The following UBR4 variants were observed in gnomAD, a reference collection of about 807,000 sequenced individuals.
The protein encoded by UBR4 is E3 ubiquitin-protein ligase UBR4.
A neutral mutation model predicts 575.6 loss-of-function variants in UBR4; 124 were observed. The ratio of observed to expected loss-of-function variants is 0.22; its 90% confidence interval spans 0.19 to 0.25. The LOEUF is 0.25. Ranked by LOEUF, UBR4 falls within the 10% of genes least tolerant of loss-of-function variation. The pLI is 1.00. For missense variants in UBR4, 4,818 were observed against 6,478.8 expected, an observed-to-expected ratio of 0.74 and a Z score of 8.80; for synonymous variants, 2,455 against 2,473.7, an observed-to-expected ratio of 0.99 and a Z score of 0.22.
chr1:19,092,147 C>A (rs571893792), intron 97 of UBR4, among the ~76,000 whole-genome samples: 1 of 152,094 alleles, frequency 6.6e-6, no homozygotes, highest in African/African-American at 2.4e-5. Context: ...CAAGAGGGAC[C>A]CTTGTGCTGA....
chr1:19,180,188 A>C (rs920685916), intron 17 of UBR4, among the ~76,000 whole-genome samples: 1 of 149,742 alleles, frequency 6.7e-6, no homozygotes, highest in Non-Finnish European at 1.5e-5. Flanking sequence ...CATGTTCTTT[A>C]TTTATTTATT....
rs1290456438 is a variant in UBR4, at chr1:19,139,166, C to T, written c.8648G>A (p.Arg2883Gln). ...STAATDGSTLRTSPADHGGSV... is the reference protein window; with the variant it reads ...STAATDGSTLQTSPADHGGSV... ...ACCACCGTGGTCAGCAGGAGAGGTCCGAAGGGTAGAACCATCTGTCGCTGC... is the reference window on the plus strand; with the variant it reads ...ACCACCGTGGTCAGCAGGAGAGGTCTGAAGGGTAGAACCATCTGTCGCTGC... Residue 2883 changes from arginine (R) to glutamine (Q), a missense_variant, in exon 59 of 106, where the codon CGG becomes CAG. By Grantham distance (43) the Arg-to-Gln change is conservative (BLOSUM62 1). Coordinates refer to ENST00000375254, the MANE Select transcript of UBR4 (RefSeq NM_020765.3). The surrounding 1 kb of genome is among the most constrained non-coding windows in gnomAD (Gnocchi z 4.2). 5.6e-6 allele frequency: 9 copies of T among 1,613,792 alleles called. No homozygotes were observed. Among genetic ancestry groups the T allele is most frequent in the East Asian group, 2.2e-5 (1 of 44,882 alleles).
chr1:19,118,418 CTTT>C (rs35059878), intron 71 of UBR4: 71 of 130,154 alleles, frequency 5.5e-4, no homozygotes, highest in South Asian at 1.5e-3. Flanking sequence ...AACTAAAGAC[CTTT>C]TTTTTTTTTT....
intron 1 of UBR4, among the ~76,000 whole-genome samples, 159 bp from the exon 2 acceptor site, chr1:19,201,974 C>T (rs2092764478): frequency 6.6e-6 from 1 of 152,130 alleles, no homozygotes; most frequent in Admixed American, 6.6e-5. Flanking sequence ...AGGTGGATCA[C>T]CTGAGGTCAG....
intron 70 of UBR4, among the ~76,000 whole-genome samples, chr1:19,119,306 T>C (rs1050314027): frequency 2.0e-5 from 3 of 152,244 alleles, no homozygotes; most frequent in African/African-American, 7.2e-5. Context: ...TCCAAGGAAC[T>C]GTAATGAGTT....
chr1:19,074,716 G>T lies in UBR4; in HGVS notation c.*116C>A. The T allele has an allele frequency of 8.5e-7, 1 of 1,181,742 alleles. No individual in the cohort carries two copies. Among genetic ancestry groups the T allele is most frequent in the Non-Finnish European group, 1.2e-6 (1 of 813,996 alleles). The allele number at this position is 1,181,742 out of a possible 1,614,324, so 73.2% of individuals were successfully genotyped here. The stretch of plus-strand genomic sequence containing the variant: ...GCCACACCAAGAAAAATGAGAGAGG[G>T]GAGGGCGGGGTAACAATGCAGCATC... On this transcript the variant is annotated 3_prime_UTR_variant, in exon 106 of 106. Transcript: ENST00000375254.
intron 52 of UBR4, among the ~76,000 whole-genome samples, chr1:19,146,484 C>A (rs528384215): frequency 6.6e-6 from 1 of 152,166 alleles, no homozygotes; most frequent in East Asian, 1.9e-4. Flanking sequence ...GGCATGAAAG[C>A]GAAAGATATG....
At chr1:19,098,188 G>A (rs953959105) in intron 90 of UBR4, among the ~76,000 whole-genome samples, 1 of 152,182 alleles carries the variant, frequency 6.6e-6, no homozygotes, top group East Asian at 1.9e-4. Context: ...TTGCAGAAGT[G>A]TTTCCGGCTA....
intron 58 of UBR4, among the ~76,000 whole-genome samples, 175 bp downstream of exon 58, chr1:19,140,613 G>A (rs962434771): frequency 3.3e-5 from 5 of 152,336 alleles, no homozygotes; most frequent in South Asian, 2.1e-4. Context: ...AGCTGTGCGC[G>A]GCGGGGCCGA....
At position 19,076,748 on chromosome 1, in the gene UBR4, T is replaced by A; in HGVS notation, c.15479A>T (p.Asp5160Val). The A allele has an allele frequency of 6.2e-7, 1 of 1,614,128 alleles. No individual in the cohort carries two copies. The highest frequency in any genetic ancestry group is 8.5e-7 in the Non-Finnish European group (1 of 1,180,036). Residue 5160 changes from aspartate (D) to valine (V), a missense_variant, in exon 105 of 106, where the codon GAT becomes GTT. Transcript: ENST00000375254. ...MPVETFSEFL[D>V]VAGLLSEITD... is the part of the protein sequence containing the mutation. ...AAAACCTTGACACTAACCGGCCACA[T>A]CGAGGAACTCTGAGAAGGTCTCCAC...
At chr1:19,133,980 G>A (rs2082866603) in intron 60 of UBR4, among the ~76,000 whole-genome samples, 1 of 151,444 alleles carries the variant, frequency 6.6e-6, no homozygotes, top group African/African-American at 2.4e-5. Context: ...CAGCTACTCA[G>A]GAGGCTGAGG....
rs1459999866 is a variant in UBR4, at chr1:19,100,625, T to G, written c.13024-52A>C. ...AGAAGGGATGGCAGAGGTGGAGATT[T>G]ATACCATGCTACCTTGTTCCATGGA... On this transcript the variant is annotated intron_variant, in intron 88 of 105. Coordinates refer to ENST00000375254, the MANE Select transcript of UBR4 (RefSeq NM_020765.3). The surrounding 1 kb of genome is among the most constrained non-coding windows in gnomAD (Gnocchi z 4.2). 3 of 1,562,768 alleles carry G rather than the reference T, an allele frequency of 1.9e-6. No individual in the cohort carries two copies. In the Admixed American group the frequency reaches 5.0e-5, roughly 26 times the overall value.
At chr1:19,094,823 C>G in intron 94 of UBR4, 83 bp downstream of exon 94, 2 of 1,558,618 alleles carry the variant, frequency 1.3e-6, no homozygotes, top group South Asian at 2.4e-5. Flanking sequence ...GTGGGCTAAG[C>G]CAGACACAAA....
At chr1:19,092,774 T>G in intron 97 of UBR4, 45 bp downstream of exon 97, 2 of 1,497,874 alleles carry the variant, frequency 1.3e-6, no homozygotes, top group Non-Finnish European at 1.8e-6. Flanking sequence ...AGGGTAGTTA[T>G]ACTTGTACCC....
chr1:19,168,314 C>T (rs2088862283), intron 27 of UBR4, 130 bp from the exon 28 acceptor site: 1 of 782,564 alleles, frequency 1.3e-6, no homozygotes, highest in Admixed American at 3.8e-5. Flanking sequence ...ACTCAGTATA[C>T]ACTGTTATTC....
At position 19,113,777 on chromosome 1, in the gene UBR4, A is replaced by G; in HGVS notation, c.11379T>C (p.Asn3793=). 6.2e-7 allele frequency: 1 copy of G among 1,614,218 alleles called. No homozygotes were observed. The part of the protein sequence containing the change: ...GGISSTSASV[N]RYILQLAQEY... Reference sequence around the variant, plus strand: ...CCTGAGCCAACTGCAGGATGTAACGATTCACACTGGCAGAAGTGGAGCTGA... The same window carrying G: ...CCTGAGCCAACTGCAGGATGTAACGGTTCACACTGGCAGAAGTGGAGCTGA... Residue 3793 remains asparagine (N), a synonymous_variant, in exon 77 of 106, where the codon AAT becomes AAC. Transcript: ENST00000375254.
At chr1:19,105,892 T>C (rs2079137526) in intron 83 of UBR4, 50 bp from the exon 84 acceptor site, 2 of 1,401,766 alleles carry the variant, frequency 1.4e-6, no homozygotes, top group African/African-American at 1.5e-5. Context: ...ATGCCCTGCC[T>C]CACCAGGCCC....
intron 73 of UBR4, among the ~76,000 whole-genome samples, chr1:19,116,510 T>C (rs2080546586): frequency 6.6e-6 from 1 of 152,148 alleles, no homozygotes; most frequent in Non-Finnish European, 1.5e-5. Context: ...AGCCTTATTC[T>C]GCCTCTTGGA....
rs1370717191 is a variant in UBR4, at chr1:19,117,826, G to T, written c.10626C>A (p.Phe3542Leu). ...CLVCNNPEVP[F>L]CYIKLSSIKV... ...TCCATGTACAGATGTTACTTACACA[G>T]AACGGTACTTCCGGGTTATTACACA... The change falls in exon 72 of 106, where the codon TTC (phenylalanine) becomes TTA (leucine). Residue 3542 changes from phenylalanine to leucine, a missense_variant. Physicochemically the swap from Phe to Leu is conservative, Grantham distance 22. Around this residue, in one of 29 missense-constraint regions of UBR4, gnomAD observed 550 missense variants for 791.5 expected, o/e 0.69. Coordinates refer to ENST00000375254, the MANE Select transcript of UBR4 (RefSeq NM_020765.3). The surrounding 1 kb of genome is among the most constrained non-coding windows in gnomAD (Gnocchi z 4.0). 1 of 1,614,144 alleles carries T rather than the reference G, an allele frequency of 6.2e-7. No homozygotes were observed. Among genetic ancestry groups the T allele is most frequent in the Non-Finnish European group, 8.5e-7 (1 of 1,179,974 alleles).
Sources: allele counts gnomAD v4.1 joint callset (sites outside exome capture counted in the v4.1 genomes callset), GRCh38; gene constraint gnomAD v4.1.1; regional missense constraint gnomAD v4.1.1; non-coding constraint Gnocchi (gnomAD v3.1); transcripts MANE v1.5; gene names NCBI Gene and HGNC (gene_info 2026-07-23, HGNC 2026-07-21).